Variants in PRDM16 observed in about 807,000 individuals in gnomAD.
PRDM16 encodes the protein histone-lysine N-methyltransferase PRDM16.
PRDM16 carries 23 observed loss-of-function variants against 110.6 expected under a neutral mutation model. That is an observed-to-expected ratio of 0.21 (90% CI 0.15 to 0.29). The LOEUF (loss-of-function observed/expected upper bound fraction) is 0.29, where lower values mean the gene tolerates loss of function less well. PRDM16 is among the 10% of genes least tolerant of loss of function. PRDM16 has a pLI of 1.00. For synonymous variants in PRDM16, 799 were observed against 781.8 expected (o/e 1.02, Z -0.37); for missense variants, 1,615 against 1,794.3 (o/e 0.90, Z 1.81).
chr1:3,284,760 C>T (rs191586375), intron 3 of PRDM16, among the ~76,000 whole-genome samples: 8 of 152,330 alleles, frequency 5.3e-5, no homozygotes, highest in Admixed American at 5.2e-4. Flanking sequence ...GTCTTGGGGG[C>T]TTCACGGAGC....
At chr1:3,214,888 C>G (rs958444655) in intron 2 of PRDM16, among the ~76,000 whole-genome samples, 1 of 152,138 alleles carries the variant, frequency 6.6e-6, no homozygotes. Flanking sequence ...TGAATACAGA[C>G]CTTTTGGCTG....
At chr1:3,269,791 T>C (rs34534631) in intron 3 of PRDM16, among the ~76,000 whole-genome samples, 12,425 of 89,404 alleles carry the variant, frequency 0.14, 2,307 homozygotes, top group African/African-American at 0.48. Context: ...GAGGAAAGTC[T>C]CAGAGGAGGA....
chr1:3,197,384 C>T (rs1261033853), intron 2 of PRDM16, among the ~76,000 whole-genome samples: 4 of 152,192 alleles, frequency 2.6e-5, no homozygotes, highest in Non-Finnish European at 4.4e-5. Context: ...CGTGGGCACT[C>T]AGTCCAATTG....
intron 1 of PRDM16, among the ~76,000 whole-genome samples, chr1:3,164,989 C>T (rs746361785): frequency 9.2e-5 from 14 of 152,356 alleles, no homozygotes; most frequent in Admixed American, 5.2e-4. Flanking sequence ...GGGGATCAGC[C>T]GTGTTCCAAT....
At chr1:3,369,645 G>A (rs1642876147) in intron 3 of PRDM16, among the ~76,000 whole-genome samples, 1 of 152,208 alleles carries the variant, frequency 6.6e-6, no homozygotes, top group Non-Finnish European at 1.5e-5. Flanking sequence ...CAGAAATCCT[G>A]GGAAGTAGAA....
chr1:3,355,887 A>C lies in PRDM16; in HGVS notation c.439-29265A>C, dbSNP rs932375337. 2.0e-5 allele frequency among the ~76,000 whole-genome samples: 3 copies of C among 152,076 alleles called. No homozygotes were observed. In the East Asian group the frequency reaches 5.8e-4, roughly 29 times the overall value. ...AAAATCAGGGTGCCCTGCAGATCTC[A>C]GACCCTTCCTCCCCCAAACACCCCC... On this transcript the variant is annotated intron_variant, in intron 3 of 16. Coordinates refer to ENST00000270722, the MANE Select transcript of PRDM16 (RefSeq NM_022114.4).
At chr1:3,185,619 C>T (rs572597217) in intron 1 of PRDM16, among the ~76,000 whole-genome samples, 82 of 152,378 alleles carry the variant, frequency 5.4e-4, no homozygotes, top group African/African-American at 1.8e-3. Flanking sequence ...ACTCTGAGTC[C>T]TCCCAGGCAC....
intron 1 of PRDM16, among the ~76,000 whole-genome samples, chr1:3,076,229 C>T (rs929292338): frequency 3.9e-5 from 6 of 152,106 alleles, no homozygotes; most frequent in South Asian, 4.2e-4. Context: ...TCCAGGTGTG[C>T]GTGTGTGTTG....
intron 2 of PRDM16, among the ~76,000 whole-genome samples, chr1:3,225,678 A>AT (rs1229372331): frequency 6.6e-6 from 1 of 152,134 alleles, no homozygotes; most frequent in African/African-American, 2.4e-5. Context: ...GGAAAAAAAA[A>AT]CACATGAGAA....
rs1053846321 is a variant in PRDM16 at position 3,094,034 on chromosome 1, T to C, written c.37+24738T>C. Among the ~76,000 whole-genome samples the C allele has an allele frequency of 2.6e-5, 4 of 152,214 alleles. 1 individual carries two copies. The highest frequency in any genetic ancestry group is 5.9e-5 in the Non-Finnish European group (4 of 68,040). ...TTCAGGAAGTGCCGAGCAGAAGTGG[T>C]GGCACCAGCCAGCAACGTGGTCTGG... On this transcript the variant is annotated intron_variant, in intron 1 of 16. Transcript: ENST00000270722.
At position 3,241,161 on chromosome 1, in the gene PRDM16, A is replaced by AGGCGGGCGGTGAGATGG. The variant is rs1425313889; in HGVS notation, c.388-2922_388-2906dup. 3.9e-5 allele frequency among the ~76,000 whole-genome samples: 6 copies of AGGCGGGCGGTGAGATGG among 152,354 alleles called. No individual in the cohort carries two copies. In the South Asian group the frequency reaches 8.3e-4, roughly 21 times the overall value. On this transcript the variant is annotated intron_variant, in intron 2 of 16. Coordinates refer to ENST00000270722, the MANE Select transcript of PRDM16 (RefSeq NM_022114.4). The stretch of plus-strand genomic sequence containing the variant: ...GAGTCCGTGGTGTTCCCAACTGCCC[A>AGGCGGGCGGTGAGATGG]GGCGGGCGGTGAGATGGGGCAGGCG...
chr1:3,302,402 C>T (rs1038172817), intron 3 of PRDM16, among the ~76,000 whole-genome samples: 7 of 152,054 alleles, frequency 4.6e-5, no homozygotes, highest in African/African-American at 1.7e-4. Flanking sequence ...AAAAAGGTGA[C>T]GGTGGCATGC....
intron 1 of PRDM16, among the ~76,000 whole-genome samples, chr1:3,114,101 G>A (rs1642858579): frequency 6.6e-6 from 1 of 151,936 alleles, no homozygotes; most frequent in African/African-American, 2.4e-5. Flanking sequence ...CATTTGTGAT[G>A]GCGCCGTGCT....
chr1:3,129,054 G>T (rs569267836), intron 1 of PRDM16, among the ~76,000 whole-genome samples: 3 of 152,336 alleles, frequency 2.0e-5, no homozygotes, highest in East Asian at 3.9e-4. Flanking sequence ...TGGTGCATGT[G>T]TGTGTGGGGG....
At chr1:3,399,057 C>G (rs1434523377) in intron 5 of PRDM16, among the ~76,000 whole-genome samples, 1 of 152,212 alleles carries the variant, frequency 6.6e-6, no homozygotes, top group African/African-American at 2.4e-5. Context: ...CACGGGGAAG[C>G]CACTTTCAGA....
intron 8 of PRDM16, among the ~76,000 whole-genome samples, chr1:3,406,711 C>G (rs1643568456): frequency 6.6e-6 from 1 of 152,138 alleles, no homozygotes; most frequent in Admixed American, 6.5e-5. Context: ...CCACTGCACT[C>G]CAGCCTGGGC....
intron 3 of PRDM16, among the ~76,000 whole-genome samples, chr1:3,264,555 G>T (rs1306568994): frequency 6.7e-6 from 1 of 148,774 alleles, no homozygotes; most frequent in African/African-American, 2.5e-5. Flanking sequence ...CAGGGGAGGG[G>T]CATGGAGGGA....
Position 3,411,759 on chromosome 1 carries a change from C to A in PRDM16, c.1562C>A (p.Ser521Tyr), listed in dbSNP as rs764542884. 1.9e-6 allele frequency: 3 copies of A among 1,611,982 alleles called. No homozygotes were observed. Among genetic ancestry groups the A allele is most frequent in the Admixed American group, 3.3e-5 (2 of 59,948 alleles). ...TPGFPGIFPP[S>Y]LYPRPPLLPP... ...GGCTTCCCGGGCATCTTCCCTCCAT[C>A]CTTGTACCCCCGGCCGCCTCTGCTA... Residue 521 changes from serine to tyrosine, a missense_variant, in exon 9 of 17, where the codon TCC becomes TAC. By Grantham distance (144) the Ser-to-Tyr change is moderately radical. Around this residue, in one of 5 missense-constraint regions of PRDM16, gnomAD observed 772 missense variants for 748.3 expected, o/e 1.03. Coordinates refer to ENST00000270722, the MANE Select transcript of PRDM16 (RefSeq NM_022114.4).
At chr1:3,396,155 C>T (rs1394414813) in intron 4 of PRDM16, among the ~76,000 whole-genome samples, 2 of 152,154 alleles carry the variant, frequency 1.3e-5, no homozygotes, top group African/African-American at 4.8e-5. Context: ...ACAAAAGAAA[C>T]TTGAGAACCC....
Sources: allele counts gnomAD v4.1 joint callset (sites outside exome capture counted in the v4.1 genomes callset), GRCh38; gene constraint gnomAD v4.1.1; regional missense constraint gnomAD v4.1.1; transcripts MANE v1.5; gene names NCBI Gene and HGNC (gene_info 2026-07-23, HGNC 2026-07-21).